KRIT1: variants seen among roughly 807,000 people sequenced by gnomAD.
The protein encoded by KRIT1 is KRIT1 ankyrin repeat containing, also known as krev interaction trapped protein 1.
KRIT1 carries 45 observed loss-of-function variants against 95.8 expected under a neutral mutation model. That is an observed-to-expected ratio of 0.47 (90% CI 0.37 to 0.60). The LOEUF is 0.60. Among genes scored for constraint, KRIT1 ranks in the 20% least tolerant of loss-of-function variants. The pLI, the probability that KRIT1 is intolerant of heterozygous loss-of-function variation, is 0.00. For missense variants in KRIT1, 788 were observed against 877.5 expected (o/e 0.90, Z 1.29); for synonymous variants, 282 against 278.8 (o/e 1.01, Z -0.11).
intron 12 of KRIT1, among the ~76,000 whole-genome samples, 169 bp from the exon 13 acceptor site, chr7:92,223,147 T>C (rs1251848536): frequency 2.0e-5 from 3 of 151,918 alleles, no homozygotes. Context: ...AACATTTTAC[T>C]GGCCGGGCGC....
At chr7:92,241,187 A>G (rs771431319) in intron 4 of KRIT1, 35 bp from the exon 5 acceptor site, 1 of 1,492,142 alleles carries the variant, frequency 6.7e-7, no homozygotes, top group East Asian at 2.3e-5. Flanking sequence ...AAAGCTTAAA[A>G]TAAAGTCTAC....
chr7:92,206,398 C>G (rs1310504716), intron 17 of KRIT1: 2 of 152,328 alleles, frequency 1.3e-5, no homozygotes, highest in African/African-American at 4.8e-5. Flanking sequence ...AGTCACAGTC[C>G]CCAGAAAAGC....
chr7:92,212,209 T>A lies in KRIT1; in HGVS notation c.2025+986A>T, dbSNP rs186740745. Among the ~76,000 whole-genome samples the A allele has an allele frequency of 1.0e-3, 156 of 152,346 alleles. 1 individual carries two copies. The highest frequency in any genetic ancestry group is 3.5e-3 in the African/African-American group (146 of 41,594). Reference sequence around the variant, plus strand: ...GATATTCAATCCCTTCCATACTTCATCCTGCTCCCCAAAAGGTTCTTGTAC... The same window carrying A: ...GATATTCAATCCCTTCCATACTTCAACCTGCTCCCCAAAAGGTTCTTGTAC... On this transcript the variant is annotated intron_variant, in intron 17 of 18. Transcript: ENST00000394505.
rs1329724001 is a variant in KRIT1, at chr7:92,237,714, T to C, written c.308A>G (p.Lys103Arg). 1 of 1,609,462 alleles carries C rather than the reference T, an allele frequency of 6.2e-7. No individual in the cohort carries two copies. Among genetic ancestry groups the C allele is most frequent in the East Asian group, 2.2e-5 (1 of 44,706 alleles). ...AAATAATGATGCTTCTCTGCCCATC[T>C]TCTCTCCATCCAGAGGAAATTTTTT... ...LMKKFPLDGE[K>R]MGREASLFIV... is the part of the protein sequence containing the mutation. Residue 103 changes from lysine to arginine, a missense_variant, in exon 6 of 19, where the codon AAG becomes AGG. Lys to Arg is a conservative substitution (Grantham distance 26, BLOSUM62 2). Around this residue, in one of 3 missense-constraint regions of KRIT1, gnomAD observed 289 missense variants for 277.5 expected, o/e 1.04. Transcript: ENST00000394505.
chr7:92,229,304 T>G (rs1796820548), intron 10 of KRIT1, among the ~76,000 whole-genome samples: 1 of 152,126 alleles, frequency 6.6e-6, no homozygotes. Flanking sequence ...GAGATGGTAC[T>G]TAAACTAAAC....
Position 92,213,925 on chromosome 7 carries a change from A to G in KRIT1, c.1785T>C (p.Pro595=). ...VPVTKLKSKA[P]HWTNRILHEY... is the part of the protein sequence containing the mutation. The stretch of plus-strand genomic sequence containing the variant: ...CATGAAGTATGCGATTTGTCCAGTG[A>G]GGTGCCTTACTTTTCAGTTTGGTAA... Residue 595 remains proline (P), a synonymous_variant, in exon 16 of 19, where the codon CCT becomes CCC. Coordinates refer to ENST00000394505, the MANE Select transcript of KRIT1 (RefSeq NM_194454.3). The G allele has an allele frequency of 6.2e-7, 1 of 1,610,324 alleles. No individual in the cohort carries two copies. The highest frequency in any genetic ancestry group is 1.1e-5 in the South Asian group (1 of 90,998).
At chr7:92,236,160 G>C in intron 7 of KRIT1, 1 of 377,024 alleles carries the variant, frequency 2.7e-6, no homozygotes, top group Non-Finnish European at 4.9e-6. Flanking sequence ...TTTCATAACA[G>C]GTAAATCTTA....
At position 92,234,907 on chromosome 7, in the gene KRIT1, A is replaced by T; in HGVS notation, c.746T>A (p.Ile249Lys). Reference protein sequence around the residue: ...QYTNRVDKVVINPYFGLGAPD... With the variant: ...QYTNRVDKVVKNPYFGLGAPD... Reference sequence around the variant, plus strand: ...AGCTCCTAGACCAAAGTATGGATTTATTACCACTTTATCTACCTAGAAAGG... The same window carrying T: ...AGCTCCTAGACCAAAGTATGGATTTTTTACCACTTTATCTACCTAGAAAGG... The change falls in exon 9 of 19, where the codon ATA becomes AAA. Residue 249 changes from isoleucine (I) to lysine (K), a missense_variant. Physicochemically the swap from Ile to Lys is moderately radical, Grantham distance 102. Coordinates refer to ENST00000394505, the MANE Select transcript of KRIT1 (RefSeq NM_194454.3). 6.5e-7 allele frequency: 1 copy of T among 1,534,742 alleles called. No homozygotes were observed. The highest frequency in any genetic ancestry group is 9.0e-7 in the Non-Finnish European group (1 of 1,107,796).
intron 10 of KRIT1, among the ~76,000 whole-genome samples, chr7:92,227,148 A>C (rs1361162355): frequency 6.6e-6 from 1 of 152,254 alleles, no homozygotes; most frequent in African/African-American, 2.4e-5. Flanking sequence ...AGAGACAAAC[A>C]TGTATAAAAT....
intron 17 of KRIT1, among the ~76,000 whole-genome samples, chr7:92,207,557 A>T (rs756459632): frequency 6.6e-6 from 1 of 152,186 alleles, no homozygotes; most frequent in Non-Finnish European, 1.5e-5. Context: ...ACTGCACTTT[A>T]GACTAAATGG....
At position 92,214,784 on chromosome 7, in the gene KRIT1, G is replaced by T; in HGVS notation, c.1564-7C>A. ...TAGCTAGTGGGTCTTCAATCTTAAA[G>T]GAAAAAGTATAATTTGGTTATTAGG... On this transcript the variant is annotated splice_polypyrimidine_tract_variant and splice_region_variant and intron_variant, in intron 14 of 18. Transcript: ENST00000394505. 1.3e-6 allele frequency: 2 copies of T among 1,576,788 alleles called. No homozygotes were observed. Among genetic ancestry groups the T allele is most frequent in the Non-Finnish European group, 1.7e-6 (2 of 1,146,846 alleles).
chr7:92,226,339 C>A (rs562126561), intron 11 of KRIT1, among the ~76,000 whole-genome samples, 187 bp downstream of exon 11: 1 of 152,104 alleles, frequency 6.6e-6, no homozygotes, highest in Non-Finnish European at 1.5e-5. Context: ...TTCAAAAGCA[C>A]AACACATATA....
Position 92,235,561 on chromosome 7 carries a change from T to C in KRIT1, c.571A>G (p.Ile191Val), listed in dbSNP as rs1798261012. 2.5e-6 allele frequency: 4 copies of C among 1,613,964 alleles called. No homozygotes were observed. Among genetic ancestry groups the C allele is most frequent in the African/African-American group, 2.7e-5 (2 of 75,044 alleles). ...SPLERIKTNV[I>V]NPAYATESGQ... ...GATTCAGTAGCATATGCAGGATTTA[T>C]GACATTAGTTTTTATCCGCTCAAGA... The change falls in exon 8 of 19, where the codon ATA (isoleucine) becomes GTA (valine). Residue 191 changes from isoleucine (I) to valine (V), a missense_variant. By Grantham distance (29) the Ile-to-Val change is conservative. Around this residue, in one of 3 missense-constraint regions of KRIT1, gnomAD observed 289 missense variants for 277.5 expected, o/e 1.04. Coordinates refer to ENST00000394505, the MANE Select transcript of KRIT1 (RefSeq NM_194454.3).
intron 17 of KRIT1, chr7:92,203,907 C>A (rs533489339): frequency 6.6e-6 from 1 of 152,394 alleles, no homozygotes; most frequent in East Asian, 1.9e-4. Context: ...AGCTAATAAA[C>A]AGCAGCCTAT....
chr7:92,240,154 G>C (rs1302965359), intron 5 of KRIT1, among the ~76,000 whole-genome samples: 2 of 152,058 alleles, frequency 1.3e-5, no homozygotes, highest in East Asian at 3.8e-4. Context: ...TGAAACACAG[G>C]CTTATAGCTC....
intron 14 of KRIT1, among the ~76,000 whole-genome samples, chr7:92,220,404 T>C (rs1408595857): frequency 2.0e-5 from 3 of 152,144 alleles, no homozygotes; most frequent in Non-Finnish European, 4.4e-5. Context: ...CCTAGTATAT[T>C]TGGCTGAGAG....
At chr7:92,231,448 A>C (rs1267784116) in intron 10 of KRIT1, among the ~76,000 whole-genome samples, 2 of 152,196 alleles carry the variant, frequency 1.3e-5, no homozygotes, top group African/African-American at 4.8e-5. Flanking sequence ...TGTAACTGTT[A>C]AGAGTAAAAA....
rs150030537 is a variant in KRIT1 at position 92,206,171 on chromosome 7, T to C, written c.2026-4748A>G. ...CTAAGGGCCTGAGGACTGACTCAAC[T>C]AGCACGCTGCTGCCATTGCCTGCAT... On this transcript the variant is annotated intron_variant, in intron 17 of 18. Coordinates refer to ENST00000394505, the MANE Select transcript of KRIT1 (RefSeq NM_194454.3). 1,021 of 152,988 alleles carry C rather than the reference T, an allele frequency of 6.7e-3. 8 individuals carry two copies. The highest frequency in any genetic ancestry group is 0.01 in the Non-Finnish European group (687 of 68,508). The allele number at this position is 152,988 out of a possible 1,614,324, so 9.5% of individuals were successfully genotyped here.
Position 92,237,685 on chromosome 7 carries a change from CAATA to C in KRIT1, c.333_336del (p.Phe111LeufsTer46). 1 of 1,600,288 alleles carries C rather than the reference CAATA, an allele frequency of 6.2e-7. No homozygotes were observed. The highest frequency in any genetic ancestry group is 8.6e-7 in the Non-Finnish European group (1 of 1,167,780). ...ACTTTACCTTTGACAACTGATGGAA[CAATA>C]AATAATGATGCTTCTCTGCCCATCT... On this transcript the variant is annotated frameshift_variant, in exon 6 of 19. Coordinates refer to ENST00000394505, the MANE Select transcript of KRIT1 (RefSeq NM_194454.3). LOFTEE classifies it high-confidence loss of function.
Sources: gnomAD v4.1 joint callset for allele counts (sites outside exome capture counted in the v4.1 genomes callset) on GRCh38, gnomAD v4.1.1 for gene constraint, gnomAD v4.1.1 regional missense constraint, MANE v1.5 for transcripts, NCBI Gene and HGNC (gene_info 2026-07-23, HGNC 2026-07-21) for gene names.